TASP1: variants seen among roughly 807,000 people sequenced by gnomAD.
The protein encoded by TASP1 is threonine aspartase 1.
Under a neutral mutation model 56.6 loss-of-function variants are expected in TASP1, and 16 were observed. That is an observed-to-expected ratio of 0.28 (90% CI 0.19 to 0.43). TASP1 has a LOEUF of 0.43. Ranked by LOEUF, TASP1 falls within the 20% of genes least tolerant of loss-of-function variation. TASP1 has a pLI of 1.00. For missense variants in TASP1, 393 were observed against 511.6 expected (o/e 0.77, Z 2.24); for synonymous variants, 179 against 184.2 (o/e 0.97, Z 0.23).
rs201335283 is a variant in TASP1 at position 13,534,109 on chromosome 20, G to A, written c.708C>T (p.Gly236=). 8.7e-6 allele frequency: 14 copies of A among 1,613,558 alleles called. No individual in the cohort carries two copies. The highest frequency in any genetic ancestry group is 1.7e-4 in the Middle Eastern group (1 of 6,058). Residue 236 remains glycine, a synonymous_variant, in exon 9 of 14, where the codon GGC becomes GGT. Transcript: ENST00000337743. ...ENDSGTLDTV[G]AVVVDHEGNV... Reference sequence around the variant, plus strand: ...TCCCTTCGTGGTCCACAACCACAGCGCCTACCGTGTCCAAAGTGCCTGAGT... The same window carrying A: ...TCCCTTCGTGGTCCACAACCACAGCACCTACCGTGTCCAAAGTGCCTGAGT...
intron 8 of TASP1, among the ~76,000 whole-genome samples, chr20:13,553,380 G>A (rs1019119353): frequency 6.6e-6 from 1 of 152,160 alleles, no homozygotes; most frequent in African/African-American, 2.4e-5. Context: ...AGTATGGACT[G>A]TCTGTATACC....
chr20:13,292,513 A>G, the TASP1 span: 199 of 1,203,976 alleles, frequency 1.7e-4, 1 homozygote, highest in Middle Eastern at 2.5e-3. Flanking sequence ...TGCCTCGGAG[A>G]TTCCTTTTGC....
chr20:13,313,693 C>A, the TASP1 span, among the ~76,000 whole-genome samples: 1 of 152,176 alleles, frequency 6.6e-6, no homozygotes, highest in Non-Finnish European at 1.5e-5. Context: ...TTAAACAGCT[C>A]CTTTTACCAA....
chr20:13,297,368 T>A, the TASP1 span, among the ~76,000 whole-genome samples: 1 of 152,190 alleles, frequency 6.6e-6, no homozygotes, highest in African/African-American at 2.4e-5. Context: ...CAGTGGTTAC[T>A]CGTTTGCTCC....
intron 11 of TASP1, among the ~76,000 whole-genome samples, chr20:13,441,535 C>G (rs2043212196): frequency 6.6e-6 from 1 of 152,074 alleles, no homozygotes; most frequent in Admixed American, 6.6e-5. Context: ...AAAGACCATT[C>G]CAGGCAGATC....
chr20:13,220,148 G>T, the TASP1 span, among the ~76,000 whole-genome samples: 1 of 152,134 alleles, frequency 6.6e-6, no homozygotes, highest in African/African-American at 2.4e-5. Context: ...CTGGGCCGGC[G>T]CTGGGGAGGA....
At chr20:13,449,595 C>G (rs1456201055) in intron 11 of TASP1, among the ~76,000 whole-genome samples, 1 of 152,036 alleles carries the variant, frequency 6.6e-6, no homozygotes, top group Admixed American at 6.6e-5. Context: ...TGCACAGCTG[C>G]TGTGTGGGAA....
At chr20:13,194,009 A>T in the TASP1 span, among the ~76,000 whole-genome samples, 1 of 152,206 alleles carries the variant, frequency 6.6e-6, no homozygotes, top group Non-Finnish European at 1.5e-5. Context: ...TAATTTATGT[A>T]GGTGATACAG....
At chr20:13,160,469 C>G in the TASP1 span, among the ~76,000 whole-genome samples, 5 of 152,154 alleles carry the variant, frequency 3.3e-5, no homozygotes, top group African/African-American at 1.2e-4. Context: ...TACATGCATC[C>G]TGACATTTTT....
intron 4 of TASP1, among the ~76,000 whole-genome samples, chr20:13,605,552 T>C (rs1192375876): frequency 2.6e-5 from 4 of 152,044 alleles, no homozygotes; most frequent in Non-Finnish European, 4.4e-5. Context: ...TGGTGGTGCA[T>C]GCCTGTAGTC....
At chr20:13,409,521 T>C (rs2042028036) in intron 13 of TASP1, among the ~76,000 whole-genome samples, 1 of 152,152 alleles carries the variant, frequency 6.6e-6, no homozygotes, top group Non-Finnish European at 1.5e-5. Context: ...GACACTAATA[T>C]AGCCATACCA....
the TASP1 span, among the ~76,000 whole-genome samples, chr20:13,225,367 C>T: frequency 2.0e-5 from 3 of 152,152 alleles, no homozygotes; most frequent in Non-Finnish European, 4.4e-5. Flanking sequence ...GAGAGAAAGG[C>T]TTTTAACAAT....
Position 13,390,306 on chromosome 20 carries a change from C to T in TASP1, c.*54G>A, listed in dbSNP as rs2041224669. On this transcript the variant is annotated 3_prime_UTR_variant, in exon 14 of 14. Transcript: ENST00000337743. The stretch of plus-strand genomic sequence containing the variant: ...ACAACCAACTTCAGTTAAAAACCCC[C>T]AAAAGCTCAGGTTCTGAAATGCCTC... The T allele has an allele frequency of 6.5e-7, 1 of 1,534,950 alleles. No homozygotes were observed.
rs1380902114 is a variant in TASP1, at chr20:13,617,343, A to C, written c.282+6103T>G. On this transcript the variant is annotated intron_variant, in intron 4 of 13. Coordinates refer to ENST00000337743, the MANE Select transcript of TASP1 (RefSeq NM_017714.3). The stretch of plus-strand genomic sequence containing the variant: ...GCAATGAAAACATTGTAAGTACTAC[A>C]AAAGAAAAAAGGTAAATCTTCTACT... Among the ~76,000 whole-genome samples the C allele has an allele frequency of 3.3e-5, 5 of 152,224 alleles. No individual in the cohort carries two copies. In the East Asian group the frequency reaches 9.6e-4, roughly 29 times the overall value.
chr20:13,292,925 G>A, the TASP1 span, among the ~76,000 whole-genome samples: 388 of 152,182 alleles, frequency 2.5e-3, no homozygotes, highest in African/African-American at 8.6e-3. Flanking sequence ...GGCCAGGCGC[G>A]GTGGGTCATG....
the TASP1 span, among the ~76,000 whole-genome samples, chr20:13,164,140 C>A: frequency 6.6e-6 from 1 of 152,126 alleles, no homozygotes; most frequent in Admixed American, 6.5e-5. Context: ...TTTTTACTTC[C>A]TGGATCTCAT....
chr20:13,201,349 T>C, the TASP1 span, among the ~76,000 whole-genome samples: 1 of 151,738 alleles, frequency 6.6e-6, no homozygotes, highest in Non-Finnish European at 1.5e-5. Flanking sequence ...TCAGATGCGC[T>C]TTGGTGGTAG....
At chr20:13,274,979 C>T in the TASP1 span, among the ~76,000 whole-genome samples, 1 of 152,174 alleles carries the variant, frequency 6.6e-6, no homozygotes, top group South Asian at 2.1e-4. Context: ...GTAAATCCCC[C>T]AGAACAAGTT....
At chr20:13,247,518 GTGTGTGT>G in the TASP1 span, among the ~76,000 whole-genome samples, 17 of 58,028 alleles carry the variant, frequency 2.9e-4, no homozygotes, top group African/African-American at 1.7e-3. Context: ...AAAGTGAGGG[GTGTGTGT>G]GTGTGTGTGT....
Sources: allele counts gnomAD v4.1 joint callset (sites outside exome capture counted in the v4.1 genomes callset), GRCh38; gene constraint gnomAD v4.1.1; transcripts MANE v1.5; gene names NCBI Gene and HGNC (gene_info 2026-07-23, HGNC 2026-07-21).